Variants in ZNF569 observed in about 807,000 individuals in gnomAD.
The protein encoded by ZNF569 is DNA-binding protein.
ZNF569 carries 38 observed loss-of-function variants against 56.3 expected under a neutral mutation model. That is an observed-to-expected ratio of 0.68 (90% confidence interval 0.52 to 0.88). ZNF569 has a LOEUF of 0.88. Among genes scored for constraint, ZNF569 ranks in the 40% least tolerant of loss-of-function variants. The pLI is 0.00. For missense variants in ZNF569, 666 were observed against 809.2 expected (o/e 0.82, Z 2.15); for synonymous variants, 241 against 262.9 (o/e 0.92, Z 0.81).
chr19:37,448,461 T>A (rs1028453550), intron 2 of ZNF569, among the ~76,000 whole-genome samples: 1 of 152,038 alleles, frequency 6.6e-6, no homozygotes, highest in African/African-American at 2.4e-5. Flanking sequence ...TTTCTTTTTT[T>A]CAACTTTTAT....
intron 3 of ZNF569, among the ~76,000 whole-genome samples, chr19:37,433,479 T>C (rs1405793286): frequency 6.6e-6 from 1 of 152,118 alleles, no homozygotes; most frequent in East Asian, 1.9e-4. Flanking sequence ...GAGAAAGATA[T>C]TGATATTCAA....
At chr19:37,419,761 C>T (rs1211406770) in intron 5 of ZNF569, among the ~76,000 whole-genome samples, 6 of 151,734 alleles carry the variant, frequency 4.0e-5, no homozygotes, top group Admixed American at 1.3e-4. Flanking sequence ...TAGTCTATTA[C>T]GTATATAACA....
chr19:37,451,243 T>C (rs2041586990), intron 2 of ZNF569, among the ~76,000 whole-genome samples: 1 of 151,778 alleles, frequency 6.6e-6, no homozygotes, highest in African/African-American at 2.4e-5. Flanking sequence ...CTGCTAAAAA[T>C]ACAAAAATTA....
rs1263784188 is a variant in ZNF569, at chr19:37,426,388, C to T, written c.16-10G>A. ...TGAATGTTACTGTTCCCTGTAACAACACACTCCCACTCAATCTGAAGTCAT... is the reference window on the plus strand; with the variant it reads ...TGAATGTTACTGTTCCCTGTAACAATACACTCCCACTCAATCTGAAGTCAT... On this transcript the variant is annotated splice_polypyrimidine_tract_variant and intron_variant, in intron 3 of 5. Transcript: ENST00000316950. 3 of 1,594,622 alleles carry T rather than the reference C, an allele frequency of 1.9e-6. No homozygotes were observed. The highest frequency in any genetic ancestry group is 1.1e-5 in the South Asian group (1 of 87,286).
At chr19:37,449,607 C>A (rs2041558655) in intron 2 of ZNF569, among the ~76,000 whole-genome samples, 1 of 151,164 alleles carries the variant, frequency 6.6e-6, no homozygotes, top group Non-Finnish European at 1.5e-5. Flanking sequence ...CTGATTAAAT[C>A]CCTTGTTCTA....
intron 5 of ZNF569, among the ~76,000 whole-genome samples, chr19:37,419,969 C>CTTTTTTTTT (rs60568702): frequency 8.8e-4 from 89 of 100,612 alleles, no homozygotes; most frequent in Non-Finnish European, 1.3e-3. Flanking sequence ...TCTTTTCTTT[C>CTTTTTTTTT]TTTTTTTTTT....
At chr19:37,439,577 A>G (rs1257584067) in intron 3 of ZNF569, among the ~76,000 whole-genome samples, 2 of 152,170 alleles carry the variant, frequency 1.3e-5, no homozygotes, top group African/African-American at 2.4e-5. Flanking sequence ...AAAGGAAATC[A>G]GTGTATTAAA....
chr19:37,424,154 G>A (rs529697726), intron 5 of ZNF569, among the ~76,000 whole-genome samples: 1 of 152,166 alleles, frequency 6.6e-6, no homozygotes, highest in East Asian at 1.9e-4. Flanking sequence ...AAGTATGAGA[G>A]TAAAACCTAA....
intron 2 of ZNF569, among the ~76,000 whole-genome samples, chr19:37,448,706 C>T (rs2041541785): frequency 6.6e-6 from 1 of 151,448 alleles, no homozygotes; most frequent in African/African-American, 2.4e-5. Flanking sequence ...TGGGACTAAA[C>T]GCGCCCGCAA....
chr19:37,447,433 G>A (rs1039614235), intron 2 of ZNF569, among the ~76,000 whole-genome samples: 4 of 152,152 alleles, frequency 2.6e-5, no homozygotes, highest in Admixed American at 2.0e-4. Context: ...ATTCTGGGAG[G>A]TGGAATCTAA....
chr19:37,467,971 G>A (rs1238256761), upstream of ZNF569: 1 of 1,533,984 alleles, frequency 6.5e-7, no homozygotes, highest in South Asian at 1.2e-5. Context: ...GGGATCGTGA[G>A]CGAAAAGTAG....
intron 2 of ZNF569, among the ~76,000 whole-genome samples, chr19:37,447,040 T>C (rs1353728030): frequency 2.0e-5 from 3 of 152,044 alleles, no homozygotes; most frequent in Non-Finnish European, 4.4e-5. Context: ...ACGCAAACCA[T>C]AACCACCATA....
At chr19:37,422,884 A>G (rs558287218) in intron 5 of ZNF569, among the ~76,000 whole-genome samples, 61 of 147,674 alleles carry the variant, frequency 4.1e-4, no homozygotes, top group African/African-American at 1.4e-3. Context: ...TACAGGACAT[A>G]GCACAAACCT....
intron 2 of ZNF569, among the ~76,000 whole-genome samples, chr19:37,445,431 G>A (rs750513651): frequency 2.1e-4 from 32 of 152,090 alleles, no homozygotes; most frequent in East Asian, 5.8e-4. Flanking sequence ...AGTTAAATCC[G>A]TACTTTTCCC....
chr19:37,427,610 T>C (rs569906266), intron 3 of ZNF569, among the ~76,000 whole-genome samples: 77 of 152,328 alleles, frequency 5.1e-4, no homozygotes, highest in Non-Finnish European at 9.6e-4. Flanking sequence ...AAGGAACTTA[T>C]GAGCATGAAC....
Position 37,420,749 on chromosome 19 carries a change from T to C in ZNF569, c.238+5119A>G, listed in dbSNP as rs572125823. 1.2e-4 allele frequency among the ~76,000 whole-genome samples: 19 copies of C among 152,322 alleles called. No individual in the cohort carries two copies. In the South Asian group the frequency reaches 3.9e-3, roughly 32 times the overall value. On this transcript the variant is annotated intron_variant, in intron 5 of 5. Transcript: ENST00000316950. The stretch of plus-strand genomic sequence containing the variant: ...TGATATTCTGATCTCCTCTCCTGAG[T>C]CATGAATATTCATAATAGCACCTGG...
chr19:37,433,206 C>A (rs890678716), intron 3 of ZNF569, among the ~76,000 whole-genome samples: 5 of 152,064 alleles, frequency 3.3e-5, no homozygotes, highest in African/African-American at 1.2e-4. Context: ...CATGAGCCAC[C>A]ACCCCCAGTC....
chr19:37,467,672 G>T, upstream of ZNF569: 1 of 608,560 alleles, frequency 1.6e-6, no homozygotes, highest in South Asian at 1.9e-5. Context: ...GTCAGCTGGA[G>T]CCTTAAGGTC....
At chr19:37,450,175 G>T (rs1480115002) in intron 2 of ZNF569, among the ~76,000 whole-genome samples, 1 of 152,102 alleles carries the variant, frequency 6.6e-6, no homozygotes. Context: ...CATGAGTCTG[G>T]AACTGGTCCC....
Sources: allele counts gnomAD v4.1 joint callset (sites outside exome capture counted in the v4.1 genomes callset), GRCh38; gene constraint gnomAD v4.1.1; transcripts MANE v1.5; gene names NCBI Gene and HGNC (gene_info 2026-07-23, HGNC 2026-07-21).